FHIT: variants seen among roughly 807,000 people sequenced by gnomAD.
FHIT encodes bis(5'-adenosyl)-triphosphatase.
In FHIT, 19 loss-of-function variants were observed where a neutral mutation model predicts 17.9. The ratio of observed to expected loss-of-function variants is 1.06; its 90% CI spans 0.74 to 1.56. The LOEUF is 1.56. Among genes scored for constraint, FHIT ranks in the 40% most tolerant of loss-of-function variants. The pLI is 0.00. For synonymous variants in FHIT, 81 were observed against 69.7 expected (o/e 1.16, Z -0.81); for missense variants, 248 against 189.2 (o/e 1.31, Z -1.82).
chr3:60,348,598 C>T (rs1196211193), intron 5 of FHIT, among the ~76,000 whole-genome samples: 2 of 152,216 alleles, frequency 1.3e-5, no homozygotes, highest in Non-Finnish European at 2.9e-5. Flanking sequence ...TGTAAGTATA[C>T]CTGGGACTTG....
chr3:60,794,557 C>G lies in FHIT; in HGVS notation c.-18+27362G>C, dbSNP rs182164276. On this transcript the variant is annotated intron_variant, in intron 4 of 9. Transcript: ENST00000492590. ...ATATAGCTATTTATGGATGGATTGACAGTTCACACATAGCTCTGCCACTTG... is the reference window on the plus strand; with the variant it reads ...ATATAGCTATTTATGGATGGATTGAGAGTTCACACATAGCTCTGCCACTTG... Among the ~76,000 whole-genome samples the G allele has an allele frequency of 2.8e-3, 428 of 152,274 alleles. 1 individual carries two copies. The highest frequency in any genetic ancestry group is 9.9e-3 in the African/African-American group (411 of 41,578).
chr3:60,956,817 G>C (rs151266017), intron 3 of FHIT, among the ~76,000 whole-genome samples: 42 of 152,296 alleles, frequency 2.8e-4, no homozygotes, highest in African/African-American at 9.4e-4. Context: ...GATTTTCATT[G>C]AAATTTCTTG....
intron 5 of FHIT, among the ~76,000 whole-genome samples, chr3:60,290,212 A>C (rs1167984685): frequency 6.6e-6 from 1 of 152,190 alleles, no homozygotes; most frequent in African/African-American, 2.4e-5. Context: ...AGAAAAAATA[A>C]GATGGGTTTT....
intron 5 of FHIT, among the ~76,000 whole-genome samples, chr3:60,261,162 A>G (rs1410067039): frequency 6.6e-6 from 1 of 152,080 alleles, no homozygotes; most frequent in Admixed American, 6.6e-5. Flanking sequence ...GGAATAAAAA[A>G]AGTACTTATC....
Position 59,914,174 on chromosome 3 carries a change from T to C in FHIT, c.348+8172A>G, listed in dbSNP as rs532302356. On this transcript the variant is annotated intron_variant, in intron 8 of 9. Transcript: ENST00000492590. ...AAAATATTATTTCAACATGTAACTA[T>C]TATAAAACATTATTAATGAGATATT... 4.0e-5 allele frequency among the ~76,000 whole-genome samples: 6 copies of C among 151,018 alleles called. No individual in the cohort carries two copies. In the South Asian group the frequency reaches 1.3e-3, roughly 32 times the overall value.
intron 7 of FHIT, among the ~76,000 whole-genome samples, chr3:59,997,483 A>G (rs1699561585): frequency 6.6e-6 from 1 of 152,196 alleles, no homozygotes; most frequent in Non-Finnish European, 1.5e-5. Context: ...GTAAAATGTT[A>G]GTCGTTGCTG....
intron 3 of FHIT, among the ~76,000 whole-genome samples, chr3:60,823,595 G>A (rs1702007601): frequency 6.6e-6 from 1 of 152,142 alleles, no homozygotes; most frequent in South Asian, 2.1e-4. Flanking sequence ...TTAGGAAAAG[G>A]CAAAGAAAGA....
intron 7 of FHIT, among the ~76,000 whole-genome samples, chr3:59,947,816 G>C (rs570014729): frequency 2.0e-5 from 3 of 152,282 alleles, no homozygotes; most frequent in Admixed American, 6.5e-5. Flanking sequence ...ATGCTTACTA[G>C]CATGTGCTGG....
chr3:60,275,390 C>A (rs111942224), intron 5 of FHIT, among the ~76,000 whole-genome samples: 139 of 152,274 alleles, frequency 9.1e-4, no homozygotes, highest in African/African-American at 3.1e-3. Flanking sequence ...CAGTACCTGC[C>A]TTAAAGTAAT....
chr3:60,014,886 A>G (rs1419369212), intron 5 of FHIT, among the ~76,000 whole-genome samples: 1 of 152,156 alleles, frequency 6.6e-6, no homozygotes, highest in African/African-American at 2.4e-5. Context: ...TATTTACACT[A>G]TTGGTCTCAG....
Position 59,866,397 on chromosome 3 carries a change from T to C in FHIT, c.348+55949A>G, listed in dbSNP as rs532874801. On this transcript the variant is annotated intron_variant, in intron 8 of 9. Transcript: ENST00000492590. ...TGGAAAAGATGAGGAAGGCAGATCA[T>C]TCGGGGCATTCCAGACTCAAACAAG... Among the ~76,000 whole-genome samples the C allele has an allele frequency of 2.9e-4, 44 of 152,280 alleles. 1 individual carries two copies. In the South Asian group the frequency reaches 7.5e-3, roughly 26 times the overall value.
intron 3 of FHIT, among the ~76,000 whole-genome samples, chr3:60,952,449 G>A (rs1297690808): frequency 6.6e-6 from 1 of 152,192 alleles, no homozygotes; most frequent in Non-Finnish European, 1.5e-5. Flanking sequence ...TTGAAATGGA[G>A]TTAGGGCTTT....
chr3:60,539,556 G>C (rs1303235742), intron 4 of FHIT, among the ~76,000 whole-genome samples: 1 of 152,182 alleles, frequency 6.6e-6, no homozygotes, highest in African/African-American at 2.4e-5. Context: ...ATGTCCAACA[G>C]TGATAGACTA....
intron 2 of FHIT, among the ~76,000 whole-genome samples, chr3:61,077,517 T>C (rs1301867969): frequency 6.6e-6 from 1 of 152,094 alleles, no homozygotes; most frequent in Non-Finnish European, 1.5e-5. Flanking sequence ...TAGAATGCAG[T>C]AATCTGACAG....
intron 2 of FHIT, among the ~76,000 whole-genome samples, chr3:61,174,498 T>C (rs995146353): frequency 6.6e-6 from 1 of 152,212 alleles, no homozygotes; most frequent in Admixed American, 6.5e-5. Context: ...GTTGGCAAAT[T>C]TGATCTATTC....
chr3:60,422,427 G>T (rs114918794), intron 5 of FHIT, among the ~76,000 whole-genome samples: 2,758 of 152,154 alleles, frequency 0.018, 39 homozygotes, highest in South Asian at 0.034. Context: ...TTCCTTTCAT[G>T]ACTAGTCTAA....
intron 7 of FHIT, among the ~76,000 whole-genome samples, chr3:59,961,742 C>T (rs569439104): frequency 6.6e-6 from 1 of 152,214 alleles, no homozygotes; most frequent in African/African-American, 2.4e-5. Flanking sequence ...GTGGGCTGCA[C>T]CCACTGTCTA....
chr3:59,938,078 A>G (rs538866301), intron 7 of FHIT, among the ~76,000 whole-genome samples: 3 of 152,314 alleles, frequency 2.0e-5, no homozygotes, highest in South Asian at 2.1e-4. Context: ...TGAAATCACC[A>G]TCTTGTAAAG....
At chr3:60,271,071 A>C (rs575148198) in intron 5 of FHIT, among the ~76,000 whole-genome samples, 1 of 152,282 alleles carries the variant, frequency 6.6e-6, no homozygotes, top group Admixed American at 6.5e-5. Flanking sequence ...TTGGGGGCTA[A>C]CTTCTGCTGC....
Sources: gnomAD v4.1 joint callset for allele counts (sites outside exome capture counted in the v4.1 genomes callset) on GRCh38, gnomAD v4.1.1 for gene constraint, MANE v1.5 for transcripts, NCBI Gene and HGNC (gene_info 2026-07-23, HGNC 2026-07-21) for gene names.